EP400: variants seen among roughly 807,000 people sequenced by gnomAD.
EP400 encodes E1A binding protein p400.
Under a neutral mutation model 354.1 loss-of-function variants are expected in EP400, and 105 were observed. That is an observed-to-expected ratio of 0.30 (90% CI 0.25 to 0.35). The LOEUF is 0.35. Among genes scored for constraint, EP400 ranks in the 10% least tolerant of loss-of-function variants. The pLI is 1.00. For missense variants in EP400, 3,280 were observed against 4,121.0 expected (o/e 0.80, Z 5.59); for synonymous variants, 1,646 against 1,716.9 (o/e 0.96, Z 1.02).
At chr12:131,985,111 C>T (rs1026568753) in intron 5 of EP400, among the ~76,000 whole-genome samples, 2 of 152,182 alleles carry the variant, frequency 1.3e-5, no homozygotes, top group Non-Finnish European at 2.9e-5. Context: ...CCACCTTGGG[C>T]TCCCAAAATG....
At chr12:132,042,879 C>T (rs929559353) in intron 32 of EP400, among the ~76,000 whole-genome samples, 20 of 152,260 alleles carry the variant, frequency 1.3e-4, no homozygotes, top group African/African-American at 4.1e-4. Flanking sequence ...GGCTGTCCGT[C>T]TGCTGTCTGT....
chr12:132,024,378 A>T (rs960586079), intron 24 of EP400, among the ~76,000 whole-genome samples: 2 of 152,176 alleles, frequency 1.3e-5, no homozygotes, highest in Non-Finnish European at 1.5e-5. Context: ...ATCTCTAAGT[A>T]ATAGATAAGT....
At chr12:131,984,893 A>G (rs963727453) in intron 5 of EP400, among the ~76,000 whole-genome samples, 1 of 151,648 alleles carries the variant, frequency 6.6e-6, no homozygotes, top group Non-Finnish European at 1.5e-5. Context: ...CAGAGAAATG[A>G]TTTATTTCAC....
intron 2 of EP400, among the ~76,000 whole-genome samples, chr12:131,972,811 A>T (rs1892342054): frequency 7.0e-6 from 1 of 142,938 alleles, no homozygotes; most frequent in South Asian, 2.1e-4. Context: ...GACTCACTAC[A>T]GCCTCTGCCT....
intron 29 of EP400, chr12:132,031,386 C>G (rs1443842261): frequency 5.8e-6 from 3 of 519,034 alleles, no homozygotes; most frequent in South Asian, 4.2e-5. Context: ...CTAACTTTTT[C>G]CTTCTTGTCA....
At chr12:132,024,700 C>T (rs541232990) in intron 24 of EP400, among the ~76,000 whole-genome samples, 3 of 150,790 alleles carry the variant, frequency 2.0e-5, no homozygotes, top group South Asian at 4.3e-4. Flanking sequence ...CCACCTTCCT[C>T]GACAGCAGCC....
Position 131,960,714 on chromosome 12 carries a change from C to CCCA in EP400, c.96_97insCAC (p.Pro32_Asn33insHis). ...GAGGGTGAGGAGCAGCCGGCCCACC[C>CCCA]CAACCCACCCCCGTCCCCCGCAGCT... On this transcript the variant is annotated inframe_insertion, in exon 2 of 53. Transcript: ENST00000389561. 6.4e-7 allele frequency: 1 copy of CCCA among 1,560,186 alleles called. No individual in the cohort carries two copies. Among genetic ancestry groups the CCCA allele is most frequent in the African/African-American group, 1.4e-5 (1 of 73,112 alleles).
chr12:131,981,236 C>G (rs116868275), intron 3 of EP400, among the ~76,000 whole-genome samples: 1 of 152,140 alleles, frequency 6.6e-6, no homozygotes, highest in Non-Finnish European at 1.5e-5. Flanking sequence ...CACCTCTGCC[C>G]GTCACACACG....
intron 19 of EP400, among the ~76,000 whole-genome samples, chr12:132,015,069 G>C (rs1434344309): frequency 6.6e-6 from 1 of 152,232 alleles, no homozygotes; most frequent in Non-Finnish European, 1.5e-5. Flanking sequence ...CCAGGGTTCT[G>C]TGCATGCGCA....
intron 1 of EP400, among the ~76,000 whole-genome samples, chr12:131,954,648 C>T (rs1397225536): frequency 1.3e-5 from 2 of 150,068 alleles, no homozygotes; most frequent in African/African-American, 4.9e-5. Flanking sequence ...TCGCTTGAAC[C>T]CGGGAGGCGG....
intron 34 of EP400, 98 bp from the exon 35 acceptor site, chr12:132,044,079 T>C (rs902641808): frequency 2.0e-6 from 3 of 1,519,442 alleles, no homozygotes; most frequent in African/African-American, 2.7e-5. Context: ...GTAGAGAACA[T>C]GTGGCTCTGA....
At chr12:132,044,096 A>C in intron 34 of EP400, 81 bp from the exon 35 acceptor site, 1 of 1,569,394 alleles carries the variant, frequency 6.4e-7, no homozygotes, top group Non-Finnish European at 8.7e-7. Flanking sequence ...CTGAGACAAC[A>C]GGGAAACCTG....
intron 30 of EP400, among the ~76,000 whole-genome samples, chr12:132,036,583 C>T (rs1008406798): frequency 2.6e-5 from 4 of 152,234 alleles, no homozygotes; most frequent in African/African-American, 7.2e-5. Flanking sequence ...AAAGTGTGCC[C>T]GCGGAAGCGC....
In EP400 at chr12:132,029,964, G is replaced by T. The variant is rs576096111; in HGVS notation, c.5585-25G>T. On this transcript the variant is annotated intron_variant, in intron 28 of 52. Coordinates refer to ENST00000389561, the MANE Select transcript of EP400 (RefSeq NM_015409.5). This position sits in a 1 kb window ranked among gnomAD's most constrained non-coding sequence, Gnocchi z 4.7. ...CTGCACCGGCCCTGGATGATGAGGC[G>T]CTCTTGATGTGATTCGTTTCCCAGG... is the stretch of plus-strand genomic sequence containing the variant. The T allele has an allele frequency of 1.4e-5, 22 of 1,612,924 alleles. No homozygotes were observed. The Admixed American group carries it at 1.7e-4, about 12-fold the overall frequency.
At chr12:132,019,013 C>T (rs956626200) in intron 21 of EP400, among the ~76,000 whole-genome samples, 1 of 152,140 alleles carries the variant, frequency 6.6e-6, no homozygotes, top group Admixed American at 6.5e-5. Context: ...CTTGTTGGCA[C>T]TTCTGTATTT....
At chr12:132,065,295 A>G (rs972362652) in intron 48 of EP400, 1 of 212,940 alleles carries the variant, frequency 4.7e-6, no homozygotes, top group African/African-American at 2.3e-5. Context: ...TGACCGCTGT[A>G]GGCAGGGAGA....
At chr12:132,044,332 C>T in intron 35 of EP400, 21 bp downstream of exon 35, 1 of 1,605,564 alleles carries the variant, frequency 6.2e-7, no homozygotes, top group South Asian at 1.1e-5. Flanking sequence ...CGGGGCCCTC[C>T]TGCCCTCTTG....
intron 43 of EP400, among the ~76,000 whole-genome samples, 172 bp downstream of exon 43, chr12:132,053,769 T>C (rs1028955690): frequency 2.6e-5 from 4 of 152,224 alleles, no homozygotes; most frequent in African/African-American, 9.6e-5. Context: ...CCCAGAGGAA[T>C]TGTGTGTTTT....
chr12:132,056,560 G>A (rs1895523465), intron 45 of EP400, among the ~76,000 whole-genome samples: 1 of 152,142 alleles, frequency 6.6e-6, no homozygotes, highest in Admixed American at 6.5e-5. Flanking sequence ...ATGAGCCTTG[G>A]CCCGTAACTC....
Sources: gnomAD v4.1 joint callset for allele counts (sites outside exome capture counted in the v4.1 genomes callset) on GRCh38, gnomAD v4.1.1 for gene constraint, Gnocchi (gnomAD v3.1) non-coding constraint, MANE v1.5 for transcripts, NCBI Gene and HGNC (gene_info 2026-07-23, HGNC 2026-07-21) for gene names.